NAALADL2: variants seen among roughly 807,000 people sequenced by gnomAD.
NAALADL2 encodes inactive N-acetylated-alpha-linked acidic dipeptidase-like protein 2.
In NAALADL2, 76 loss-of-function variants were observed where a neutral mutation model predicts 87.2. That is an observed-to-expected ratio of 0.87 (90% CI 0.72 to 1.05). NAALADL2 has a LOEUF of 1.05. Ranked by LOEUF, NAALADL2 falls within the 50% of genes least tolerant of loss-of-function variation. The pLI, the probability that NAALADL2 is intolerant of heterozygous loss-of-function variation, is 0.00. For synonymous variants in NAALADL2, 354 were observed against 331.0 expected (o/e 1.07, Z -0.75); for missense variants, 1,089 against 945.8 (o/e 1.15, Z -1.99).
At chr3:174,444,556 AG>A (rs915354070) in intron 1 of NAALADL2, among the ~76,000 whole-genome samples, 1 of 152,174 alleles carries the variant, frequency 6.6e-6, no homozygotes, top group African/African-American at 2.4e-5. Flanking sequence ...AAAGGGGAAA[AG>A]GAGGAAATAA....
At chr3:175,442,311 A>G (rs1719919847) in intron 5 of NAALADL2, among the ~76,000 whole-genome samples, 1 of 151,796 alleles carries the variant, frequency 6.6e-6, no homozygotes, top group Admixed American at 6.6e-5. Flanking sequence ...ATATATATAT[A>G]TACTGGTTAC....
intron 1 of NAALADL2, among the ~76,000 whole-genome samples, chr3:174,451,619 G>A (rs570214274): frequency 1.4e-3 from 208 of 152,160 alleles, no homozygotes; most frequent in African/African-American, 4.9e-3. Context: ...AAAAGGATTT[G>A]CCATTATACT....
Position 174,961,179 on chromosome 3 carries a change from T to G in NAALADL2, c.43+101729T>G, listed in dbSNP as rs142223416. ...TCTCATTGTTTGTAGAGATAAGGTC[T>G]CACTATGTTGCCCAGACTGGTCTCA... On this transcript the variant is annotated intron_variant, in intron 1 of 13. Coordinates refer to ENST00000454872, the MANE Select transcript of NAALADL2 (RefSeq NM_207015.3). Among the ~76,000 whole-genome samples the G allele has an allele frequency of 4.9e-3, 733 of 150,474 alleles. 8 individuals carry two copies. Among genetic ancestry groups the G allele is most frequent in the African/African-American group, 0.017 (701 of 41,158 alleles).
chr3:174,824,073 T>A (rs1305445349), intron 3 of NAALADL2, among the ~76,000 whole-genome samples: 1 of 152,236 alleles, frequency 6.6e-6, no homozygotes, highest in African/African-American at 2.4e-5. Flanking sequence ...ATCACCATGC[T>A]AACTTAAATG....
At chr3:175,445,578 A>G (rs1023063584) in intron 5 of NAALADL2, among the ~76,000 whole-genome samples, 1 of 152,106 alleles carries the variant, frequency 6.6e-6, no homozygotes, top group Non-Finnish European at 1.5e-5. Flanking sequence ...CTTAACTTTC[A>G]CAAGTATTCA....
intron 5 of NAALADL2, among the ~76,000 whole-genome samples, chr3:175,370,106 A>G (rs1484781884): frequency 6.6e-6 from 1 of 152,136 alleles, no homozygotes; most frequent in East Asian, 1.9e-4. Flanking sequence ...AGGATAAAAG[A>G]ATGATTATTT....
intron 5 of NAALADL2, among the ~76,000 whole-genome samples, chr3:175,370,744 T>C (rs1766375009): frequency 6.6e-6 from 1 of 152,232 alleles, no homozygotes; most frequent in Admixed American, 6.5e-5. Flanking sequence ...GTGATATTTC[T>C]ACCTTATTAC....
intron 4 of NAALADL2, among the ~76,000 whole-genome samples, chr3:175,286,615 A>C (rs1158757229): frequency 1.3e-5 from 2 of 151,998 alleles, no homozygotes; most frequent in South Asian, 2.1e-4. Context: ...TGGAGGGTCT[A>C]TTTTATTCTC....
At chr3:175,678,222 A>G (rs1735087687) in intron 11 of NAALADL2, among the ~76,000 whole-genome samples, 1 of 152,228 alleles carries the variant, frequency 6.6e-6, no homozygotes, top group Admixed American at 6.5e-5. Flanking sequence ...CCTATTCAAT[A>G]TTCAGATATT....
At chr3:174,824,959 T>C (rs1018712754) in intron 3 of NAALADL2, among the ~76,000 whole-genome samples, 22 of 152,198 alleles carry the variant, frequency 1.4e-4, no homozygotes, top group Non-Finnish European at 2.9e-4. Flanking sequence ...TTTAAATCTG[T>C]TCACTGCAAT....
intron 11 of NAALADL2, among the ~76,000 whole-genome samples, chr3:175,688,358 A>G (rs1169269435): frequency 6.6e-6 from 1 of 152,202 alleles, no homozygotes; most frequent in Admixed American, 6.5e-5. Flanking sequence ...AGATTATTGA[A>G]TAATATTGTG....
chr3:175,405,526 A>G, intron 5 of NAALADL2, among the ~76,000 whole-genome samples: 1 of 152,176 alleles, frequency 6.6e-6, no homozygotes, highest in Non-Finnish European at 1.5e-5. Flanking sequence ...TGTTATTTAA[A>G]AACTTTGCAG....
intron 1 of NAALADL2, among the ~76,000 whole-genome samples, chr3:174,949,265 C>T (rs1739957585): frequency 6.6e-6 from 1 of 152,104 alleles, no homozygotes; most frequent in Non-Finnish European, 1.5e-5. Flanking sequence ...CTCACAACAC[C>T]CAGTAGGGTT....
chr3:175,738,826 G>A (rs1428130950), intron 12 of NAALADL2, among the ~76,000 whole-genome samples: 12 of 152,080 alleles, frequency 7.9e-5, no homozygotes, highest in Non-Finnish European at 8.8e-5. Context: ...CAGTCACTCT[G>A]GGCAACCAAA....
intron 11 of NAALADL2, among the ~76,000 whole-genome samples, chr3:175,661,106 C>T (rs1303620001): frequency 6.6e-6 from 1 of 152,064 alleles, no homozygotes. Flanking sequence ...TTTTACATCC[C>T]TATCAATGGT....
In NAALADL2 at chr3:175,755,415, A is replaced by T; in HGVS notation, c.2186A>T (p.Tyr729Phe). 6.3e-7 allele frequency: 1 copy of T among 1,587,670 alleles called. No homozygotes were observed. The highest frequency in any genetic ancestry group is 8.6e-7 in the Non-Finnish European group (1 of 1,165,844). Residue 729 changes from tyrosine to phenylalanine, a missense_variant, in exon 13 of 14, where the codon TAT becomes TTT. By Grantham distance (22) the Tyr-to-Phe change is conservative. Transcript: ENST00000454872. ...FLVKQAPPGFYRNILYHLDEK... is the reference protein window; with the variant it reads ...FLVKQAPPGFFRNILYHLDEK... ...GTAAAGCAGGCACCACCAGGTTTTT[A>T]TAGGTAGGATGCATGTCTCAAAAAT... is the stretch of plus-strand genomic sequence containing the variant.
chr3:175,236,711 T>A lies in NAALADL2; in HGVS notation c.819+2507T>A, dbSNP rs1745962454. Among the ~76,000 whole-genome samples the A allele has an allele frequency of 2.6e-5, 4 of 152,288 alleles. No individual in the cohort carries two copies. In the South Asian group the frequency reaches 8.3e-4, roughly 32 times the overall value. On this transcript the variant is annotated intron_variant, in intron 3 of 13. Coordinates refer to ENST00000454872, the MANE Select transcript of NAALADL2 (RefSeq NM_207015.3). ...GGAGAAGGTCATTTGGAAGAATCTG[T>A]TGGGCCCTAGAGTTCCACTATTGGG...
chr3:174,830,885 C>G (rs1722598678), intron 3 of NAALADL2, among the ~76,000 whole-genome samples: 1 of 151,612 alleles, frequency 6.6e-6, no homozygotes, highest in African/African-American at 2.4e-5. Flanking sequence ...AATGGGAGTT[C>G]ACTCATGATT....
chr3:175,519,673 T>C (rs1254952306), intron 9 of NAALADL2, among the ~76,000 whole-genome samples: 4 of 152,128 alleles, frequency 2.6e-5, no homozygotes, highest in African/African-American at 9.7e-5. Context: ...GAATGACAAA[T>C]AAAATTGAAT....
Sources: gnomAD v4.1 joint callset for allele counts (sites outside exome capture counted in the v4.1 genomes callset) on GRCh38, gnomAD v4.1.1 for gene constraint, MANE v1.5 for transcripts, NCBI Gene and HGNC (gene_info 2026-07-23, HGNC 2026-07-21) for gene names.